Variants in FAM13A observed in about 807,000 individuals in gnomAD.
FAM13A encodes family with sequence similarity 13 member A.
Under a neutral mutation model 129.6 loss-of-function variants are expected in FAM13A, and 76 were observed. The observed-to-expected ratio is 0.59, with a 90% CI of 0.49 to 0.71. FAM13A has a LOEUF of 0.71. Ranked by LOEUF, FAM13A falls within the 30% of genes least tolerant of loss-of-function variation. FAM13A has a pLI of 0.00. For synonymous variants in FAM13A, 443 were observed against 449.9 expected (o/e 0.98, Z 0.20); for missense variants, 1,108 against 1,249.3 (o/e 0.89, Z 1.70).
chr4:88,975,781 C>A (rs746007892), intron 4 of FAM13A, among the ~76,000 whole-genome samples: 1 of 152,130 alleles, frequency 6.6e-6, no homozygotes, highest in South Asian at 2.1e-4. Flanking sequence ...GCAAATGATA[C>A]AATGAAGGTC....
rs1361474951 is a variant in FAM13A, at chr4:88,834,658, C to T, written c.1007+16362G>A. The stretch of plus-strand genomic sequence containing the variant: ...CTACTTTAAGAAGACAACTTTAAAA[C>T]AAATCAATCCAATTTTAAAACTTTA... On this transcript the variant is annotated intron_variant, in intron 7 of 23. Transcript: ENST00000264344. Among the ~76,000 whole-genome samples the T allele has an allele frequency of 3.3e-5, 5 of 152,090 alleles. No individual in the cohort carries two copies. In the East Asian group the frequency reaches 9.7e-4, roughly 29 times the overall value.
chr4:88,942,864 C>T (rs1755013871), intron 4 of FAM13A, among the ~76,000 whole-genome samples: 3 of 152,072 alleles, frequency 2.0e-5, no homozygotes, highest in Admixed American at 2.0e-4. Context: ...TATTTGGTTT[C>T]CTGTTTTAAA....
chr4:88,875,510 G>C (rs892533577), intron 6 of FAM13A, among the ~76,000 whole-genome samples: 25 of 152,166 alleles, frequency 1.6e-4, no homozygotes, highest in Non-Finnish European at 1.9e-4. Flanking sequence ...CAAAAGAAGA[G>C]ATTTATGCAG....
At chr4:89,045,234 A>G (rs1162286062) in intron 1 of FAM13A, among the ~76,000 whole-genome samples, 2 of 142,078 alleles carry the variant, frequency 1.4e-5, no homozygotes, top group Admixed American at 7.0e-5. Flanking sequence ...GGAAAAGGAA[A>G]AGGAAAAAAC....
intron 7 of FAM13A, among the ~76,000 whole-genome samples, chr4:88,834,228 A>G (rs1734435484): frequency 6.7e-6 from 1 of 150,098 alleles, no homozygotes; most frequent in African/African-American, 2.5e-5. Flanking sequence ...AAAAAAATCC[A>G]TTTCAGAAAA....
chr4:88,928,870 T>C (rs1189095313), intron 5 of FAM13A, among the ~76,000 whole-genome samples: 4 of 152,170 alleles, frequency 2.6e-5, no homozygotes, highest in Non-Finnish European at 5.9e-5. Context: ...AATTGTTTTA[T>C]AAATTCTTTG....
intron 5 of FAM13A, among the ~76,000 whole-genome samples, chr4:88,914,021 A>G (rs1225232300): frequency 6.6e-6 from 1 of 152,116 alleles, no homozygotes; most frequent in East Asian, 1.9e-4. Context: ...AAGAAAAAAA[A>G]AAAACTGTCA....
At chr4:88,731,164 A>T (rs1371080853) in intron 23 of FAM13A, among the ~76,000 whole-genome samples, 163 bp downstream of exon 23, 1 of 151,998 alleles carries the variant, frequency 6.6e-6, no homozygotes, top group Admixed American at 6.6e-5. Context: ...CTCACAGTCA[A>T]CCTCTAAGTG....
At chr4:88,747,606 T>A (rs1489776361) in intron 18 of FAM13A, 25 bp downstream of exon 18, 1 of 1,593,438 alleles carries the variant, frequency 6.3e-7, no homozygotes, top group South Asian at 1.1e-5. Flanking sequence ...GGCTTAGGGC[T>A]TAGCACTTCA....
Position 88,739,117 on chromosome 4 carries a change from C to T in FAM13A, c.2475G>A (p.Lys825=). The change falls in exon 20 of 24, where the codon AAG becomes AAA. Residue 825 remains lysine (K), a synonymous_variant. Coordinates refer to ENST00000264344, the MANE Select transcript of FAM13A (RefSeq NM_014883.4). Reference sequence around the variant, plus strand: ...GTGGCTTCATCACCTGCCGTTCGTTCTTTGTTACCTGAAAAGCAAGAATGA... The same window carrying T: ...GTGGCTTCATCACCTGCCGTTCGTTTTTTGTTACCTGAAAAGCAAGAATGA... ...YESIHGRPVT[K]NERQVMKPLY... 6.2e-7 allele frequency: 1 copy of T among 1,613,146 alleles called. No individual in the cohort carries two copies. Among genetic ancestry groups the T allele is most frequent in the Non-Finnish European group, 8.5e-7 (1 of 1,179,226 alleles).
At chr4:88,786,649 A>G (rs2149651144) in intron 10 of FAM13A, among the ~76,000 whole-genome samples, 1 of 152,206 alleles carries the variant, frequency 6.6e-6, no homozygotes, top group East Asian at 1.9e-4. Context: ...CTTGTAAATC[A>G]GTGGGTTATA....
intron 1 of FAM13A, among the ~76,000 whole-genome samples, chr4:89,037,113 T>A (rs541768379): frequency 1.6e-4 from 25 of 152,276 alleles, no homozygotes; most frequent in South Asian, 1.0e-3. Flanking sequence ...AGGACCACCA[T>A]CTTCCAAGAC....
At chr4:88,827,333 G>A (rs575716160) in intron 7 of FAM13A, among the ~76,000 whole-genome samples, 145 of 152,098 alleles carry the variant, frequency 9.5e-4, no homozygotes, top group Middle Eastern at 3.4e-3. Context: ...TTCAATACAC[G>A]CATTCAATAA....
chr4:89,049,608 T>C (rs1354069560), intron 1 of FAM13A, among the ~76,000 whole-genome samples: 5 of 152,252 alleles, frequency 3.3e-5, no homozygotes, highest in African/African-American at 1.2e-4. Flanking sequence ...TCATTGCCAC[T>C]GTCTACATTT....
At chr4:88,859,813 A>G (rs984218158) in intron 6 of FAM13A, among the ~76,000 whole-genome samples, 2 of 152,128 alleles carry the variant, frequency 1.3e-5, no homozygotes, top group African/African-American at 2.4e-5. Flanking sequence ...AGACACTATT[A>G]GCTTCTTTAT....
chr4:89,025,329 A>G (rs550399169), intron 2 of FAM13A, among the ~76,000 whole-genome samples: 156 of 136,272 alleles, frequency 1.1e-3, no homozygotes, highest in African/African-American at 4.0e-3. Context: ...CAGTGGCGCA[A>G]TCTCGGCTCA....
chr4:88,749,891 C>A lies in FAM13A; in HGVS notation c.1959G>T (p.Leu653=). 3.1e-6 allele frequency: 5 copies of A among 1,613,884 alleles called. No homozygotes were observed. The highest frequency in any genetic ancestry group is 4.2e-6 in the Non-Finnish European group (5 of 1,180,008). Residue 653 remains leucine, a synonymous_variant, in exon 16 of 24, where the codon CTG becomes CTT. Coordinates refer to ENST00000264344, the MANE Select transcript of FAM13A (RefSeq NM_014883.4). ...CCTCTTGCTCATCATCATAGGACCC[C>A]AGAGAGGAGCTTCGCCGCCTGTGAA... The part of the protein sequence containing the change: ...HSFMRRRSSS[L]GSYDDEQEDL...
Position 88,728,428 on chromosome 4 carries a change from A to C in FAM13A, c.*105T>G. The C allele has an allele frequency of 7.1e-7, 1 of 1,410,700 alleles. No homozygotes were observed. The allele number at this position is 1,410,700 out of a possible 1,614,324, so 87.4% of individuals were successfully genotyped here. On this transcript the variant is annotated 3_prime_UTR_variant, in exon 24 of 24. Transcript: ENST00000264344. ...AATGGTCTAGAGGCAGAAGGGCTGC[A>C]TGCTTTGCAGGGCCAGCCCCAAGGC...
chr4:88,737,413 G>T, intron 21 of FAM13A, 59 bp downstream of exon 21: 1 of 1,407,946 alleles, frequency 7.1e-7, no homozygotes. Flanking sequence ...CCGGAGGGGA[G>T]GGGAGGAGGG....
Sources: gnomAD v4.1 joint callset for allele counts (sites outside exome capture counted in the v4.1 genomes callset) on GRCh38, gnomAD v4.1.1 for gene constraint, MANE v1.5 for transcripts, NCBI Gene and HGNC (gene_info 2026-07-23, HGNC 2026-07-21) for gene names.